Variants in ATP6V0D2 observed in about 807,000 individuals in gnomAD.
ATP6V0D2 encodes V-type proton ATPase subunit d 2.
ATP6V0D2 carries 40 observed loss-of-function variants against 40.0 expected under a neutral mutation model. The ratio of observed to expected loss-of-function variants is 1.00; its 90% CI spans 0.78 to 1.30. ATP6V0D2 has a LOEUF of 1.30. Among genes scored for constraint, ATP6V0D2 ranks in the 50% most tolerant of loss-of-function variants. ATP6V0D2 has a pLI of 0.00. For missense variants in ATP6V0D2, 470 were observed against 423.1 expected (o/e 1.11, Z -0.97); for synonymous variants, 179 against 156.3 (o/e 1.15, Z -1.08).
intron 2 of ATP6V0D2, among the ~76,000 whole-genome samples, chr8:86,125,295 C>A (rs1818725107): frequency 1.3e-5 from 2 of 152,042 alleles, no homozygotes. Context: ...GATATTGATC[C>A]CAATAACCTG....
At chr8:86,139,053 C>A (rs1182140015) in intron 2 of ATP6V0D2, among the ~76,000 whole-genome samples, 1 of 151,954 alleles carries the variant, frequency 6.6e-6, no homozygotes, top group African/African-American at 2.4e-5. Context: ...CACAGTGAAA[C>A]CCTGTATCTA....
At chr8:86,145,313 A>AAGAAG (rs1563566289) in intron 5 of ATP6V0D2, among the ~76,000 whole-genome samples, 1 of 76,476 alleles carries the variant, frequency 1.3e-5, no homozygotes, top group African/African-American at 6.8e-5. Context: ...AAGAAAGAAA[A>AAGAAG]GAAAGAAGGA....
chr8:86,108,356 A>C (rs544324227), intron 1 of ATP6V0D2, among the ~76,000 whole-genome samples: 5 of 152,082 alleles, frequency 3.3e-5, no homozygotes, highest in African/African-American at 1.2e-4. Context: ...TGCCCAGTCT[A>C]GTCTGAAACT....
intron 5 of ATP6V0D2, among the ~76,000 whole-genome samples, chr8:86,146,621 A>G (rs1215937550): frequency 6.6e-6 from 1 of 152,194 alleles, no homozygotes; most frequent in African/African-American, 2.4e-5. Context: ...GCCTCAGCCC[A>G]GAAATTCCAG....
At position 86,151,807 on chromosome 8, in the gene ATP6V0D2, G is replaced by A. The variant is rs545099760; in HGVS notation, c.891+267G>A. Among the ~76,000 whole-genome samples the A allele has an allele frequency of 1.3e-3, 194 of 147,468 alleles. 2 individuals are homozygous for A. The highest frequency in any genetic ancestry group is 1.8e-3 in the African/African-American group (73 of 40,000). Reference sequence around the variant, plus strand: ...CTAAAAGAGTTTACTTAAAAACTGCGAGAAGTAATGGAAGTACATTCAATT... The same window carrying A: ...CTAAAAGAGTTTACTTAAAAACTGCAAGAAGTAATGGAAGTACATTCAATT... On this transcript the variant is annotated intron_variant, in intron 7 of 7. Transcript: ENST00000285393.
intron 1 of ATP6V0D2, among the ~76,000 whole-genome samples, chr8:86,112,527 A>G (rs748286739): frequency 1.3e-4 from 20 of 152,206 alleles, no homozygotes; most frequent in Non-Finnish European, 2.2e-4. Flanking sequence ...TGCCATGAGT[A>G]TTAAATGAGA....
chr8:86,138,789 C>G (rs1267390138), intron 2 of ATP6V0D2, among the ~76,000 whole-genome samples: 1 of 152,168 alleles, frequency 6.6e-6, no homozygotes, highest in Non-Finnish European at 1.5e-5. Flanking sequence ...ACTTTTCAAG[C>G]CCTTTGTCCA....
chr8:86,142,425 T>C (rs1353206087), intron 4 of ATP6V0D2, among the ~76,000 whole-genome samples: 1 of 152,142 alleles, frequency 6.6e-6, no homozygotes, highest in Non-Finnish European at 1.5e-5. Flanking sequence ...CGTATTAGAG[T>C]TGGGATCCAA....
intron 5 of ATP6V0D2, 23 bp from the exon 6 acceptor site, chr8:86,150,089 C>T: frequency 1.2e-6 from 2 of 1,602,616 alleles, no homozygotes; most frequent in East Asian, 2.2e-5. Context: ...TTAGATTTTA[C>T]TGGTTTTGTC....
rs1350831069 is a variant in ATP6V0D2, at chr8:86,150,200, C to T, written c.728C>T (p.Thr243Ile). ...GAAGACCGAGAGACCCTCTATCCAA[C>T]CTTCGGCAAACTCTATCCTGAGGGG... ...SKEDRETLYP[T>I]FGKLYPEGLR... Residue 243 changes from threonine (T) to isoleucine (I), a missense_variant, in exon 6 of 8, where the codon ACC becomes ATC. Coordinates refer to ENST00000285393, the MANE Select transcript of ATP6V0D2 (RefSeq NM_152565.1). 8 of 1,613,212 alleles carry T rather than the reference C, an allele frequency of 5.0e-6. No homozygotes were observed. In the African/African-American group the frequency reaches 1.1e-4, roughly 22 times the overall value.
At chr8:86,131,819 A>G (rs1415474661) in intron 2 of ATP6V0D2, among the ~76,000 whole-genome samples, 1 of 152,168 alleles carries the variant, frequency 6.6e-6, no homozygotes, top group Admixed American at 6.5e-5. Flanking sequence ...ATTTAAAAAC[A>G]TATGCAAAAA....
rs547347052 is a variant in ATP6V0D2 at position 86,144,496 on chromosome 8, T to C, written c.639+1542T>C. The stretch of plus-strand genomic sequence containing the variant: ...GTAAAAAGAAAAAAATTAACTTCAT[T>C]TGCAAGTATTTCAACCTAATGCTCT... On this transcript the variant is annotated intron_variant, in intron 5 of 7. Transcript: ENST00000285393. 7.2e-5 allele frequency among the ~76,000 whole-genome samples: 11 copies of C among 152,304 alleles called. No individual in the cohort carries two copies. The South Asian group carries it at 2.3e-3, about 32-fold the overall frequency.
intron 3 of ATP6V0D2, among the ~76,000 whole-genome samples, chr8:86,140,692 G>T (rs1222801399): frequency 6.6e-6 from 1 of 152,092 alleles, no homozygotes; most frequent in Non-Finnish European, 1.5e-5. Context: ...TATATTCAGT[G>T]TATAGTGTAG....
At chr8:86,148,470 G>A (rs1157187174) in intron 5 of ATP6V0D2, among the ~76,000 whole-genome samples, 2 of 152,136 alleles carry the variant, frequency 1.3e-5, no homozygotes, top group Non-Finnish European at 2.9e-5. Flanking sequence ...TTTGTTATAG[G>A]TTAACCAGTC....
chr8:86,146,258 G>A (rs1819066522), intron 5 of ATP6V0D2, among the ~76,000 whole-genome samples: 1 of 152,114 alleles, frequency 6.6e-6, no homozygotes. Context: ...CCTTGGTAAT[G>A]TAAAAAAAGG....
intron 2 of ATP6V0D2, among the ~76,000 whole-genome samples, chr8:86,126,915 C>T (rs1818753290): frequency 6.6e-6 from 1 of 152,124 alleles, no homozygotes; most frequent in Non-Finnish European, 1.5e-5. Context: ...TCTTAAAATT[C>T]CAGAGCAACC....
intron 2 of ATP6V0D2, among the ~76,000 whole-genome samples, chr8:86,121,854 T>C (rs117509142): frequency 0.035 from 5,299 of 152,312 alleles, 120 homozygotes; most frequent in Middle Eastern, 0.068. Context: ...ATCTGTTTTA[T>C]TAGAGACAGT....
At chr8:86,141,340 G>T in intron 3 of ATP6V0D2, 110 bp from the exon 4 acceptor site, 1 of 685,010 alleles carries the variant, frequency 1.5e-6, no homozygotes, top group Non-Finnish European at 2.5e-6. Context: ...TTGCAACTCT[G>T]CAGTGTTCTT....
At chr8:86,125,327 C>G (rs572270764) in intron 2 of ATP6V0D2, among the ~76,000 whole-genome samples, 2 of 152,244 alleles carry the variant, frequency 1.3e-5, no homozygotes, top group South Asian at 2.1e-4. Context: ...ACTACTCCTT[C>G]CCCAGTTGTT....
Sources: gnomAD v4.1 joint callset for allele counts (sites outside exome capture counted in the v4.1 genomes callset) on GRCh38, gnomAD v4.1.1 for gene constraint, MANE v1.5 for transcripts, NCBI Gene and HGNC (gene_info 2026-07-23, HGNC 2026-07-21) for gene names.